The following WNT3 variants were observed in gnomAD, a reference collection of about 807,000 sequenced individuals.
The protein encoded by WNT3 is Wnt family member 3.
Under a neutral mutation model 34.2 loss-of-function variants are expected in WNT3, and 7 were observed. That is an observed-to-expected ratio of 0.20 (90% CI 0.12 to 0.38). WNT3 has a LOEUF of 0.38. WNT3 is among the 10% of genes least tolerant of loss of function. The probability of loss-of-function intolerance (pLI) is 1.00; values close to 1 mark genes in which losing one functional copy is unlikely to be tolerated. For synonymous variants in WNT3, 212 were observed against 211.5 expected, an observed-to-expected ratio of 1.00 and a Z score of -0.02; for missense variants, 267 against 499.8, an observed-to-expected ratio of 0.53 and a Z score of 4.44.
At chr17:46,767,064 C>T (rs1291856617) in intron 4 of WNT3, among the ~76,000 whole-genome samples, 1 of 152,118 alleles carries the variant, frequency 6.6e-6, no homozygotes, top group Non-Finnish European at 1.5e-5. Context: ...ACACACTAGG[C>T]TCCTTCTCAG....
chr17:46,773,990 C>G (rs376360773), intron 1 of WNT3, 81 bp from the exon 2 acceptor site: 6 of 1,546,248 alleles, frequency 3.9e-6, no homozygotes, highest in Non-Finnish European at 2.6e-6. Flanking sequence ...TTTGTGAACC[C>G]TCCGGGGTAG....
chr17:46,783,405 G>A (rs1272734995), intron 1 of WNT3, among the ~76,000 whole-genome samples: 2 of 152,236 alleles, frequency 1.3e-5, no homozygotes, highest in African/African-American at 2.4e-5. Flanking sequence ...CAACACGCAC[G>A]AATTGAGTGA....
Position 46,798,181 on chromosome 17 carries a change from G to A in WNT3, c.80+20337C>T, listed in dbSNP as rs187418403. ...TGACCTCAGGTGATCCTCCCGCCTC[G>A]GCCTCCCGAAGTGCTGGGATCACAG... On this transcript the variant is annotated intron_variant, in intron 1 of 4. Transcript: ENST00000225512. 1.1e-3 allele frequency among the ~76,000 whole-genome samples: 160 copies of A among 152,260 alleles called. 1 individual carries two copies. The highest frequency in any genetic ancestry group is 6.8e-3 in the Middle Eastern group (2 of 294).
At chr17:46,773,967 G>C (rs1254773975) in intron 1 of WNT3, 58 bp from the exon 2 acceptor site, 6 of 1,583,508 alleles carry the variant, frequency 3.8e-6, no homozygotes, top group Non-Finnish European at 5.1e-6. Flanking sequence ...CCCATCCTGG[G>C]CACCATGGCC....
intron 1 of WNT3, among the ~76,000 whole-genome samples, chr17:46,816,041 G>A (rs1434344067): frequency 6.6e-6 from 1 of 152,044 alleles, no homozygotes; most frequent in Non-Finnish European, 1.5e-5. Flanking sequence ...ATGGCCATGA[G>A]CACTGATATT....
intron 1 of WNT3, among the ~76,000 whole-genome samples, chr17:46,811,288 A>C (rs934279455): frequency 1.3e-5 from 2 of 151,934 alleles, no homozygotes; most frequent in African/African-American, 4.8e-5. Flanking sequence ...CAGTGTTAAT[A>C]TGGGAAATGC....
At chr17:46,766,895 C>A (rs1568071775) in intron 4 of WNT3, among the ~76,000 whole-genome samples, 4 of 152,290 alleles carry the variant, frequency 2.6e-5, no homozygotes, top group Non-Finnish European at 5.9e-5. Context: ...CAAGCCCTGT[C>A]CTCGGTGTCC....
At position 46,780,216 on chromosome 17, in the gene WNT3, C is replaced by CCACT. The variant is rs898725846; in HGVS notation, c.81-6308_81-6307insAGTG. ...TGGGGTTGTTGGCCTCAGATGCTGC[C>CCACT]GTCCACCCAGTGACGGCCAATCCCC... is the stretch of plus-strand genomic sequence containing the variant. On this transcript the variant is annotated intron_variant, in intron 1 of 4. Transcript: ENST00000225512. 9.2e-5 allele frequency among the ~76,000 whole-genome samples: 14 copies of CCACT among 152,198 alleles called. No individual in the cohort carries two copies. The East Asian group carries it at 9.6e-4, about 10-fold the overall frequency.
At chr17:46,800,882 C>T (rs546319540) in intron 1 of WNT3, among the ~76,000 whole-genome samples, 1 of 152,252 alleles carries the variant, frequency 6.6e-6, no homozygotes, top group Non-Finnish European at 1.5e-5. Context: ...GAAGTGATGG[C>T]TGAACTATGA....
At chr17:46,792,678 T>C (rs1322333287) in intron 1 of WNT3, among the ~76,000 whole-genome samples, 1 of 152,168 alleles carries the variant, frequency 6.6e-6, no homozygotes, top group African/African-American at 2.4e-5. Context: ...TTCACTATGT[T>C]GACCAGGCTA....
At chr17:46,769,744 CT>C in intron 3 of WNT3, 38 bp downstream of exon 3, 1 of 1,603,250 alleles carries the variant, frequency 6.2e-7, no homozygotes, top group South Asian at 1.1e-5. Flanking sequence ...AAGCGGGGGG[CT>C]GCTCCCTGAA....
chr17:46,793,792 T>C (rs1367716765), intron 1 of WNT3, among the ~76,000 whole-genome samples: 1 of 152,160 alleles, frequency 6.6e-6, no homozygotes, highest in Non-Finnish European at 1.5e-5. Flanking sequence ...AGCTTCTCCA[T>C]GAATCCTCTC....
chr17:46,796,741 C>T (rs1473276973), intron 1 of WNT3, among the ~76,000 whole-genome samples: 1 of 152,222 alleles, frequency 6.6e-6, no homozygotes, highest in South Asian at 2.1e-4. Context: ...CCTGATCAGT[C>T]CCTGGTTCCT....
rs1226991687 is a variant in WNT3, at chr17:46,764,251, T to G, written c.*379A>C. ...CAGAACCTTGCCCATGCTGATGTCT[T>G]GACTGCCAGGCTGAGAGCTCACATT... On this transcript the variant is annotated 3_prime_UTR_variant, in exon 5 of 5. Transcript: ENST00000225512. The G allele has an allele frequency of 2.0e-5, 3 of 152,674 alleles. No homozygotes were observed. The highest frequency in any genetic ancestry group is 4.4e-5 in the Non-Finnish European group (3 of 68,054). 9.5% of individuals were successfully genotyped at this position (152,674 alleles called of 1,614,324 possible). A position where few individuals can be genotyped will look rare whatever the true frequency, so the allele number is the denominator to read the frequency against.
chr17:46,765,686 C>T (rs2059306606), intron 4 of WNT3, among the ~76,000 whole-genome samples: 1 of 152,244 alleles, frequency 6.6e-6, no homozygotes. Context: ...CCCATTGCTC[C>T]AGAGCAGGCG....
intron 4 of WNT3, among the ~76,000 whole-genome samples, chr17:46,766,742 CT>C (rs1274274745): frequency 2.0e-5 from 3 of 152,170 alleles, no homozygotes; most frequent in African/African-American, 7.2e-5. Flanking sequence ...CCCCTACTCC[CT>C]ATGGCACAGA....
At chr17:46,771,747 GGCGCCCCCCGCCCCC>G (rs2059373575) in intron 2 of WNT3, among the ~76,000 whole-genome samples, 1 of 97,910 alleles carries the variant, frequency 1.0e-5, no homozygotes, top group African/African-American at 3.7e-5. Flanking sequence ...CCATTGAAGC[GGCGCCCCCCGCCCCC>G]GCGCCGCGCC....
intron 1 of WNT3, among the ~76,000 whole-genome samples, chr17:46,797,665 T>C (rs2084072232): frequency 6.6e-6 from 1 of 152,184 alleles, no homozygotes; most frequent in African/African-American, 2.4e-5. Flanking sequence ...CATGAACACC[T>C]TTCCCTGCTG....
chr17:46,803,862 C>T (rs2084158418), intron 1 of WNT3, among the ~76,000 whole-genome samples: 1 of 152,224 alleles, frequency 6.6e-6, no homozygotes, highest in Admixed American at 6.5e-5. Context: ...GCCAGATACT[C>T]CAGGAGCCTA....
Sources: allele counts gnomAD v4.1 joint callset (sites outside exome capture counted in the v4.1 genomes callset), GRCh38; gene constraint gnomAD v4.1.1; transcripts MANE v1.5; gene names NCBI Gene and HGNC (gene_info 2026-07-23, HGNC 2026-07-21).